PCDH9: variants seen among roughly 807,000 people sequenced by gnomAD.
The protein encoded by PCDH9 is protocadherin 9, also known as protocadherin-9.
In PCDH9, 24 loss-of-function variants were observed where a neutral mutation model predicts 70.6. The observed-to-expected ratio is 0.34, with a 90% CI of 0.25 to 0.48. The LOEUF is 0.48. PCDH9 is among the 20% of genes least tolerant of loss of function. PCDH9 has a pLI of 0.99. For synonymous variants in PCDH9, 562 were observed against 558.5 expected, an observed-to-expected ratio of 1.01 and a Z score of -0.09; for missense variants, 1,281 against 1,503.6, an observed-to-expected ratio of 0.85 and a Z score of 2.45.
At chr13:66,901,953 C>A (rs1404297223) in intron 3 of PCDH9, among the ~76,000 whole-genome samples, 1 of 151,586 alleles carries the variant, frequency 6.6e-6, no homozygotes, top group Non-Finnish European at 1.5e-5. Flanking sequence ...CCACTTGGAT[C>A]TTAATGACTT....
intron 2 of PCDH9, among the ~76,000 whole-genome samples, chr13:67,106,886 T>C (rs1161699153): frequency 6.6e-6 from 1 of 152,192 alleles, no homozygotes; most frequent in African/African-American, 2.4e-5. Flanking sequence ...GTGTGGGCAC[T>C]CAGGATGGTG....
intron 2 of PCDH9, among the ~76,000 whole-genome samples, chr13:66,947,320 A>G (rs1018630308): frequency 2.6e-4 from 40 of 152,278 alleles, no homozygotes; most frequent in African/African-American, 8.7e-4. Context: ...CCTCTTTTAC[A>G]GTTGAGGAAG....
intron 2 of PCDH9, among the ~76,000 whole-genome samples, chr13:67,053,712 T>A (rs2085365975): frequency 6.6e-6 from 1 of 152,202 alleles, no homozygotes; most frequent in South Asian, 2.1e-4. Flanking sequence ...TAAGACAAGT[T>A]GGCATTTACA....
At chr13:66,430,737 A>C (rs1393006157) in intron 4 of PCDH9, among the ~76,000 whole-genome samples, 1 of 152,068 alleles carries the variant, frequency 6.6e-6, no homozygotes, top group African/African-American at 2.4e-5. Flanking sequence ...ATTGCACTGA[A>C]TTAAAGGGAG....
intron 3 of PCDH9, among the ~76,000 whole-genome samples, chr13:66,765,149 C>CT (rs373337147): frequency 1.3e-5 from 2 of 151,598 alleles, no homozygotes; most frequent in African/African-American, 4.9e-5. Context: ...CCCTCCCTCT[C>CT]TTTTTTCTAA....
At chr13:66,442,723 G>A (rs1957998247) in intron 4 of PCDH9, among the ~76,000 whole-genome samples, 1 of 151,848 alleles carries the variant, frequency 6.6e-6, no homozygotes, top group Admixed American at 6.6e-5. Context: ...ATAATATTAT[G>A]GGGACAGTAC....
chr13:67,170,176 G>A (rs555503608), intron 2 of PCDH9, among the ~76,000 whole-genome samples: 1 of 152,222 alleles, frequency 6.6e-6, no homozygotes, highest in East Asian at 1.9e-4. Flanking sequence ...ATGGTCTTTA[G>A]CAAAGCTCTA....
chr13:66,701,596 T>A (rs994314666), intron 3 of PCDH9, among the ~76,000 whole-genome samples: 5 of 152,186 alleles, frequency 3.3e-5, no homozygotes, highest in Non-Finnish European at 7.4e-5. Context: ...ATTCTCAGAA[T>A]AAAACCATAT....
intron 2 of PCDH9, chr13:67,219,687 G>A (rs576984398): frequency 6.6e-6 from 1 of 151,902 alleles, no homozygotes; most frequent in African/African-American, 2.4e-5. Flanking sequence ...AATGGTTAGG[G>A]TCCTTATATG....
At chr13:66,675,468 T>C (rs1225632317) in intron 3 of PCDH9, among the ~76,000 whole-genome samples, 3 of 152,168 alleles carry the variant, frequency 2.0e-5, no homozygotes, top group African/African-American at 7.2e-5. Flanking sequence ...TTTCTGGTTA[T>C]AGACGCTGCT....
chr13:66,504,061 C>T (rs1959191099), intron 4 of PCDH9, among the ~76,000 whole-genome samples: 3 of 152,178 alleles, frequency 2.0e-5, no homozygotes, highest in African/African-American at 7.2e-5. Context: ...TTGATCTCTG[C>T]TCCGTAAACA....
At chr13:67,197,766 A>G (rs955074667) in intron 2 of PCDH9, among the ~76,000 whole-genome samples, 1 of 151,942 alleles carries the variant, frequency 6.6e-6, no homozygotes, top group African/African-American at 2.4e-5. Context: ...GCTGTTGTAT[A>G]TCTCCAAAAT....
chr13:66,412,400 A>G (rs1381485032), intron 4 of PCDH9, among the ~76,000 whole-genome samples: 1 of 152,224 alleles, frequency 6.6e-6, no homozygotes, highest in Non-Finnish European at 1.5e-5. Context: ...ATTAAGAGAA[A>G]CATGTCTGAT....
intron 4 of PCDH9, among the ~76,000 whole-genome samples, chr13:66,520,643 T>A (rs1326819386): frequency 6.6e-6 from 1 of 152,216 alleles, no homozygotes; most frequent in Non-Finnish European, 1.5e-5. Context: ...ATCCTGTGTA[T>A]TCACAGGATG....
chr13:66,474,972 C>T (rs188339513), intron 4 of PCDH9, among the ~76,000 whole-genome samples: 2 of 152,126 alleles, frequency 1.3e-5, no homozygotes, highest in East Asian at 3.9e-4. Context: ...GCAATTTTCT[C>T]TATGGGTTAA....
intron 3 of PCDH9, among the ~76,000 whole-genome samples, chr13:66,793,231 T>C (rs932996558): frequency 6.6e-6 from 1 of 152,146 alleles, no homozygotes. Flanking sequence ...TAAGCACTCC[T>C]CTGGAGAGAA....
intron 4 of PCDH9, among the ~76,000 whole-genome samples, chr13:66,527,369 T>A (rs1960263164): frequency 6.6e-6 from 1 of 152,132 alleles, no homozygotes; most frequent in Admixed American, 6.6e-5. Context: ...TTCATCACTT[T>A]GTGTGTTAGA....
chr13:66,709,351 T>G (rs1301057626), intron 3 of PCDH9, among the ~76,000 whole-genome samples: 4 of 152,182 alleles, frequency 2.6e-5, no homozygotes, highest in Non-Finnish European at 5.9e-5. Flanking sequence ...TAAATACAAT[T>G]GTATCATAGA....
chr13:66,652,583 T>A (rs9540858), intron 3 of PCDH9, among the ~76,000 whole-genome samples: 1 of 151,596 alleles, frequency 6.6e-6, no homozygotes. Context: ...TGGTTCAATC[T>A]GTAAAAAAAA....
Sources: allele counts gnomAD v4.1 joint callset (sites outside exome capture counted in the v4.1 genomes callset), GRCh38; gene constraint gnomAD v4.1.1; transcripts MANE v1.5; gene names NCBI Gene and HGNC (gene_info 2026-07-23, HGNC 2026-07-21).